PAK1: variants seen among roughly 807,000 people sequenced by gnomAD.
PAK1 encodes the protein p21 (RAC1) activated kinase 1.
PAK1 carries 29 observed loss-of-function variants against 67.4 expected under a neutral mutation model. The ratio of observed to expected loss-of-function variants is 0.43; its 90% CI spans 0.32 to 0.59. The LOEUF is 0.59. Among genes scored for constraint, PAK1 ranks in the 20% least tolerant of loss-of-function variants. PAK1 has a pLI of 0.07. For synonymous variants in PAK1, 223 were observed against 237.4 expected (o/e 0.94, Z 0.56); for missense variants, 337 against 670.7 (o/e 0.50, Z 5.50).
chr11:77,443,013 A>C (rs1275889873), intron 1 of PAK1, among the ~76,000 whole-genome samples: 6 of 152,340 alleles, frequency 3.9e-5, no homozygotes, highest in Admixed American at 3.3e-4. Context: ...TTCTAAAAGT[A>C]TCTAAAACAG....
chr11:77,391,292 A>T (rs1951107906), intron 2 of PAK1, among the ~76,000 whole-genome samples: 1 of 152,240 alleles, frequency 6.6e-6, no homozygotes, highest in Non-Finnish European at 1.5e-5. Context: ...GAGTAAAGAG[A>T]CAGAGAACTA....
At chr11:77,385,371 C>T (rs1950317514) in intron 2 of PAK1, among the ~76,000 whole-genome samples, 1 of 152,080 alleles carries the variant, frequency 6.6e-6, no homozygotes, top group African/African-American at 2.4e-5. Flanking sequence ...AAAATAGAAC[C>T]ACAAAGCATT....
chr11:77,480,914 G>C, the PAK1 span, among the ~76,000 whole-genome samples: 1 of 152,150 alleles, frequency 6.6e-6, no homozygotes, highest in Admixed American at 6.5e-5. Flanking sequence ...TTTGTTTGTT[G>C]CTGTGTGCCC....
the PAK1 span, among the ~76,000 whole-genome samples, chr11:77,480,560 G>C: frequency 1.7e-5 from 2 of 120,104 alleles, no homozygotes; most frequent in African/African-American, 3.3e-5. Context: ...GTCTTGCTCT[G>C]TTGCCCAGGC....
chr11:77,450,163 A>G (rs2135389972), intron 1 of PAK1, among the ~76,000 whole-genome samples: 1 of 152,362 alleles, frequency 6.6e-6, no homozygotes, highest in African/African-American at 2.4e-5. Flanking sequence ...ATATATGCTC[A>G]GAAGGTATTT....
chr11:77,337,000 C>A (rs928644170), intron 12 of PAK1, among the ~76,000 whole-genome samples: 16 of 151,218 alleles, frequency 1.1e-4, no homozygotes, highest in African/African-American at 3.9e-4. Context: ...ATACAAAACT[C>A]TTTTTTCTAA....
At chr11:77,326,310 A>G (rs150340210) in intron 14 of PAK1, among the ~76,000 whole-genome samples, 59 of 152,314 alleles carry the variant, frequency 3.9e-4, no homozygotes, top group East Asian at 2.9e-3. Flanking sequence ...CTCACTCTCA[A>G]TAAGTAGAGT....
chr11:77,523,542 C>A, the PAK1 span, among the ~76,000 whole-genome samples: 1 of 151,678 alleles, frequency 6.6e-6, no homozygotes, highest in South Asian at 2.1e-4. Flanking sequence ...GCCTCAGCCT[C>A]CCGAGTAGCT....
the PAK1 span, among the ~76,000 whole-genome samples, chr11:77,496,019 C>CTT: frequency 6.3e-5 from 8 of 126,262 alleles, no homozygotes; most frequent in Non-Finnish European, 6.5e-5. Flanking sequence ...GAACTGTACA[C>CTT]TTTTTTTTTT....
At chr11:77,486,574 T>C in the PAK1 span, among the ~76,000 whole-genome samples, 1 of 152,194 alleles carries the variant, frequency 6.6e-6, no homozygotes, top group East Asian at 1.9e-4. Flanking sequence ...ACACCACCCC[T>C]CTTCCATCCC....
At chr11:77,463,952 T>C (rs1383147810) in intron 1 of PAK1, among the ~76,000 whole-genome samples, 9 of 152,248 alleles carry the variant, frequency 5.9e-5, no homozygotes, top group African/African-American at 2.2e-4. Flanking sequence ...TAGCCATATT[T>C]TAAAGTTTGT....
chr11:77,492,228 G>A, the PAK1 span, among the ~76,000 whole-genome samples: 2 of 152,002 alleles, frequency 1.3e-5, no homozygotes, highest in Non-Finnish European at 2.9e-5. Context: ...CCAGCTACTC[G>A]GGAGGCTGAG....
At chr11:77,323,779 C>T (rs1938968344) in intron 14 of PAK1, among the ~76,000 whole-genome samples, 1 of 152,132 alleles carries the variant, frequency 6.6e-6, no homozygotes, top group Non-Finnish European at 1.5e-5. Context: ...AATTGGTACA[C>T]TGACAAATGG....
rs1355217739 is a variant in PAK1, at chr11:77,380,991, T to C, written c.191-997A>G. Reference sequence around the variant, plus strand: ...AACCTTATTTTAAAACCCTGCTGTCTGGGAGCTCAACACACTAACCAAAAG... The same window carrying C: ...AACCTTATTTTAAAACCCTGCTGTCCGGGAGCTCAACACACTAACCAAAAG... On this transcript the variant is annotated intron_variant, in intron 2 of 14. Coordinates refer to ENST00000356341, the MANE Select transcript of PAK1 (RefSeq NM_002576.5). 6.6e-5 allele frequency among the ~76,000 whole-genome samples: 10 copies of C among 152,282 alleles called. No homozygotes were observed. The East Asian group carries it at 1.9e-3, about 29-fold the overall frequency.
chr11:77,383,220 G>A (rs1336983938), intron 2 of PAK1, among the ~76,000 whole-genome samples: 7 of 152,062 alleles, frequency 4.6e-5, no homozygotes, highest in Non-Finnish European at 1.0e-4. Flanking sequence ...TAGATTAGAC[G>A]CGGAGTACAA....
intron 1 of PAK1, among the ~76,000 whole-genome samples, chr11:77,433,687 G>A (rs541702126): frequency 1.3e-5 from 2 of 152,338 alleles, no homozygotes; most frequent in African/African-American, 4.8e-5. Context: ...GCTGAGGCAG[G>A]AGAATCGCTT....
At chr11:77,417,492 A>T (rs1433687605) in intron 1 of PAK1, among the ~76,000 whole-genome samples, 1 of 152,236 alleles carries the variant, frequency 6.6e-6, no homozygotes, top group Non-Finnish European at 1.5e-5. Flanking sequence ...TAAGGAATGA[A>T]TAGGTGAAGC....
At chr11:77,345,970 C>A (rs1044663164) in intron 9 of PAK1, among the ~76,000 whole-genome samples, 7 of 151,906 alleles carry the variant, frequency 4.6e-5, no homozygotes, top group Non-Finnish European at 7.4e-5. Context: ...ACATGGGAGT[C>A]CTTTTCTTTT....
upstream of PAK1, among the ~76,000 whole-genome samples, chr11:77,478,469 TAGTATTTAAATGTGAAGATCTGGCCTGGC>T (rs1321354521): frequency 6.6e-6 from 1 of 152,136 alleles, no homozygotes; most frequent in Non-Finnish European, 1.5e-5. Context: ...CAATGAAGAA[TAGTATTTAAATGTGAAGATCTGGCCTGGC>T]ACGGTGGCCC....
Sources: gnomAD v4.1 joint callset for allele counts (sites outside exome capture counted in the v4.1 genomes callset) on GRCh38, gnomAD v4.1.1 for gene constraint, MANE v1.5 for transcripts, NCBI Gene and HGNC (gene_info 2026-07-23, HGNC 2026-07-21) for gene names.